Variants in MBNL1 observed in about 807,000 individuals in gnomAD.
MBNL1 encodes muscleblind-like protein 1.
MBNL1 carries 8 observed loss-of-function variants against 42.2 expected under a neutral mutation model. That is an observed-to-expected ratio of 0.19 (90% CI 0.11 to 0.34). The LOEUF (loss-of-function observed/expected upper bound fraction) is 0.34. Among genes scored for constraint, MBNL1 ranks in the 10% least tolerant of loss-of-function variants. The pLI, the probability that MBNL1 is intolerant of heterozygous loss-of-function variation, is 1.00. For missense variants in MBNL1, 309 were observed against 495.3 expected (o/e 0.62, Z 3.57); for synonymous variants, 169 against 173.9 (o/e 0.97, Z 0.22).
intron 2 of MBNL1, among the ~76,000 whole-genome samples, chr3:152,344,931 G>A (rs1578348611): frequency 6.6e-6 from 1 of 152,026 alleles, no homozygotes; most frequent in African/African-American, 2.4e-5. Context: ...TGCTTTTACT[G>A]TAAAAGAGTC....
intron 2 of MBNL1, among the ~76,000 whole-genome samples, chr3:152,402,495 T>C (rs1371591138): frequency 6.6e-6 from 1 of 152,206 alleles, no homozygotes; most frequent in Non-Finnish European, 1.5e-5. Context: ...ACTGTATTGC[T>C]CTTTCCATGT....
chr3:152,426,649 C>G (rs2098936315), intron 3 of MBNL1, among the ~76,000 whole-genome samples: 1 of 152,184 alleles, frequency 6.6e-6, no homozygotes, highest in Admixed American at 6.5e-5. Context: ...TCTGGAGTTT[C>G]TCTAGTAATG....
At chr3:152,395,190 T>A (rs1480685055) in intron 2 of MBNL1, among the ~76,000 whole-genome samples, 1 of 152,144 alleles carries the variant, frequency 6.6e-6, no homozygotes, top group Non-Finnish European at 1.5e-5. Context: ...ATATTCACAG[T>A]CTATAAAACA....
At chr3:152,377,018 C>T (rs750698264) in intron 2 of MBNL1, among the ~76,000 whole-genome samples, 1 of 152,006 alleles carries the variant, frequency 6.6e-6, no homozygotes, top group Non-Finnish European at 1.5e-5. Flanking sequence ...GATTTACATG[C>T]GAACTTGTTG....
At chr3:152,351,625 G>A (rs374484461) in intron 2 of MBNL1, among the ~76,000 whole-genome samples, 1 of 152,078 alleles carries the variant, frequency 6.6e-6, no homozygotes, top group Admixed American at 6.6e-5. Context: ...ACACTTATAG[G>A]AGGGGTTTTA....
Position 152,286,378 on chromosome 3 carries a change from ATATT to A in MBNL1, c.-789-13024_-789-13021del, listed in dbSNP as rs1214497922. On this transcript the variant is annotated intron_variant, in intron 1 of 9. Coordinates refer to ENST00000324210, the MANE Select transcript of MBNL1 (RefSeq NM_021038.5). ...TATTTATATTTTATTTATAATATAA[ATATT>A]TAATTATATTTTATTTATAATATAA... 5.1e-5 allele frequency among the ~76,000 whole-genome samples: 7 copies of A among 138,128 alleles called. 2 individuals are homozygous for A. Among genetic ancestry groups the A allele is most frequent in the African/African-American group, 7.8e-5 (3 of 38,286 alleles). The allele number at this position is 138,128 out of a possible 152,430, so 90.6% of individuals were successfully genotyped here.
At position 152,459,329 on chromosome 3, in the gene MBNL1, ATTT is replaced by A; in HGVS notation, c.*4_*6del. 1 of 1,569,298 alleles carries A rather than the reference ATTT, an allele frequency of 6.4e-7. No individual in the cohort carries two copies. The highest frequency in any genetic ancestry group is 8.7e-7 in the Non-Finnish European group (1 of 1,154,344). On this transcript the variant is annotated 3_prime_UTR_variant, in exon 9 of 10. Transcript: ENST00000324210. The stretch of plus-strand genomic sequence containing the variant: ...CACAAGTATGTTACCCAGATGTAGA[ATTT>A]TCATCACTAAACAGTAAGTTCATTA...
chr3:152,403,055 T>C (rs1047398612), intron 2 of MBNL1, among the ~76,000 whole-genome samples: 9 of 152,118 alleles, frequency 5.9e-5, no homozygotes, highest in African/African-American at 2.2e-4. Flanking sequence ...ATCACAGATA[T>C]ATTCCTTTAC....
At position 152,459,513 on chromosome 3, in the gene MBNL1, A is replaced by T. The variant is rs557858471; in HGVS notation, c.*18+168A>T. On this transcript the variant is annotated intron_variant, in intron 9 of 9. Transcript: ENST00000324210. ...TTTATCAGACATCTTTATAACAAAT[A>T]TGTTAATATCACTTAAATATACAAA... Among the ~76,000 whole-genome samples the T allele has an allele frequency of 1.9e-4, 29 of 152,354 alleles. No individual in the cohort carries two copies. The East Asian group carries it at 5.4e-3, about 28-fold the overall frequency.
intron 1 of MBNL1, among the ~76,000 whole-genome samples, chr3:152,291,040 G>C (rs1027922458): frequency 1.3e-5 from 2 of 152,118 alleles, no homozygotes; most frequent in African/African-American, 4.8e-5. Flanking sequence ...AATATTAAAT[G>C]ATATGGACAG....
At chr3:152,325,591 A>G (rs992548941) in intron 2 of MBNL1, among the ~76,000 whole-genome samples, 1 of 151,640 alleles carries the variant, frequency 6.6e-6, no homozygotes, top group Non-Finnish European at 1.5e-5. Flanking sequence ...CATACTATAT[A>G]TTTTTGTAGT....
At chr3:152,369,017 G>A (rs1230206430) in intron 2 of MBNL1, among the ~76,000 whole-genome samples, 4 of 152,090 alleles carry the variant, frequency 2.6e-5, no homozygotes, top group Non-Finnish European at 4.4e-5. Context: ...TCTCTTGCCC[G>A]ATTGCCCTGG....
chr3:152,441,511 G>A (rs933189858), intron 4 of MBNL1, among the ~76,000 whole-genome samples: 2 of 152,012 alleles, frequency 1.3e-5, no homozygotes, highest in African/African-American at 2.4e-5. Flanking sequence ...TTGTCTGTCC[G>A]CTATATTATT....
intron 2 of MBNL1, among the ~76,000 whole-genome samples, chr3:152,354,500 A>AT (rs1560265974): frequency 6.6e-6 from 1 of 152,194 alleles, no homozygotes; most frequent in African/African-American, 2.4e-5. Flanking sequence ...ATACAGATTA[A>AT]TGAAAGAACT....
intron 2 of MBNL1, among the ~76,000 whole-genome samples, chr3:152,411,678 T>C (rs1334632813): frequency 6.6e-6 from 1 of 152,224 alleles, no homozygotes. Flanking sequence ...TAGATACCGA[T>C]GAATTTCTGT....
At position 152,408,662 on chromosome 3, in the gene MBNL1, A is replaced by G. The variant is rs193224820; in HGVS notation, c.175-6279A>G. 1.7e-3 allele frequency among the ~76,000 whole-genome samples: 263 copies of G among 151,870 alleles called. 1 individual carries two copies. The highest frequency in any genetic ancestry group is 5.9e-3 in the African/African-American group (245 of 41,410). On this transcript the variant is annotated intron_variant, in intron 2 of 9. Coordinates refer to ENST00000324210, the MANE Select transcript of MBNL1 (RefSeq NM_021038.5). ...TATACTAGATACTGGTATAACTGGTATTTTGTTATGATATCCCAGGCAGAT... is the reference window on the plus strand; with the variant it reads ...TATACTAGATACTGGTATAACTGGTGTTTTGTTATGATATCCCAGGCAGAT...
intron 2 of MBNL1, among the ~76,000 whole-genome samples, chr3:152,385,560 C>A (rs1698073191): frequency 6.6e-6 from 1 of 151,970 alleles, no homozygotes; most frequent in Non-Finnish European, 1.5e-5. Context: ...TACCTTTTTA[C>A]ATGTTGGGTA....
At chr3:152,398,863 G>T (rs13079208) in intron 2 of MBNL1, among the ~76,000 whole-genome samples, 73,729 of 151,956 alleles carry the variant, frequency 0.49, 18,416 homozygotes, top group Middle Eastern at 0.6. Flanking sequence ...TATTACAGAT[G>T]TATTACTTGT....
intron 2 of MBNL1, chr3:152,340,510 T>G: frequency 6.4e-7 from 1 of 1,567,536 alleles, no homozygotes; most frequent in African/African-American, 1.4e-5. Context: ...TTAAAAATAG[T>G]GGAAGTTGGG....
Sources: gnomAD v4.1 joint callset for allele counts (sites outside exome capture counted in the v4.1 genomes callset) on GRCh38, gnomAD v4.1.1 for gene constraint, MANE v1.5 for transcripts, NCBI Gene and HGNC (gene_info 2026-07-23, HGNC 2026-07-21) for gene names.